The following CREBBP variants were observed in gnomAD, a reference collection of about 807,000 sequenced individuals.
CREBBP encodes the protein CREB-binding protein.
CREBBP carries 19 observed loss-of-function variants against 265.0 expected under a neutral mutation model. That is an observed-to-expected ratio of 0.07 (90% CI 0.05 to 0.11). CREBBP has a LOEUF of 0.11. Ranked by LOEUF, CREBBP falls within the 10% of genes least tolerant of loss-of-function variation. CREBBP has a pLI of 1.00. For missense variants in CREBBP, 2,525 were observed against 3,219.0 expected, an observed-to-expected ratio of 0.78 and a Z score of 5.22; for synonymous variants, 1,457 against 1,223.7, an observed-to-expected ratio of 1.19 and a Z score of -3.98.
intron 3 of CREBBP, among the ~76,000 whole-genome samples, chr16:3,805,504 T>G (rs1350762493): frequency 1.3e-5 from 2 of 152,164 alleles, no homozygotes; most frequent in African/African-American, 4.8e-5. Flanking sequence ...ACACAGGCAT[T>G]TGTGCAAGGA....
chr16:3,765,300 TG>T (rs2052824822), intron 16 of CREBBP, among the ~76,000 whole-genome samples: 1 of 152,178 alleles, frequency 6.6e-6, no homozygotes, highest in African/African-American at 2.4e-5. Context: ...TTTTATTCTG[TG>T]TGATGAAACA....
chr16:3,796,835 A>C (rs764153025), intron 3 of CREBBP, among the ~76,000 whole-genome samples: 1 of 152,212 alleles, frequency 6.6e-6, no homozygotes, highest in Non-Finnish European at 1.5e-5. Flanking sequence ...TGAGCTCTAC[A>C]TATTGTTTAC....
At chr16:3,808,158 G>A (rs563820157) in intron 3 of CREBBP, among the ~76,000 whole-genome samples, 6 of 148,656 alleles carry the variant, frequency 4.0e-5, no homozygotes, top group African/African-American at 1.2e-4. Context: ...ATGAAAGAAG[G>A]GGGGGGCAGC....
intron 16 of CREBBP, among the ~76,000 whole-genome samples, chr16:3,760,408 T>TTG (rs2151388665): frequency 7.4e-6 from 1 of 134,522 alleles, no homozygotes; most frequent in African/African-American, 2.9e-5. Flanking sequence ...TTTTTTTTTT[T>TTG]TTTTTTTTTT....
In CREBBP at chr16:3,810,600, T is replaced by C. The variant is rs368907608; in HGVS notation, c.975+3A>G. 8.1e-6 allele frequency: 13 copies of C among 1,613,404 alleles called. No individual in the cohort carries two copies. The highest frequency in any genetic ancestry group is 1.7e-5 in the Admixed American group (1 of 59,978). On this transcript the variant is annotated splice_donor_region_variant and intron_variant, in intron 3 of 30. Coordinates refer to ENST00000262367, the MANE Select transcript of CREBBP (RefSeq NM_004380.3). The stretch of plus-strand genomic sequence containing the variant: ...ATAACACTGAGGGCCAAGGGTAACT[T>C]ACCATATTTGGCACGTTGGTGACTG...
chr16:3,819,421 G>T (rs1326577825), intron 2 of CREBBP, among the ~76,000 whole-genome samples: 1 of 152,190 alleles, frequency 6.6e-6, no homozygotes, highest in African/African-American at 2.4e-5. Flanking sequence ...ACAGCTTTGG[G>T]AGCAATCATT....
intron 27 of CREBBP, 178 bp downstream of exon 27, chr16:3,736,472 A>G (rs2151328582): frequency 1.0e-6 from 1 of 955,932 alleles, no homozygotes; most frequent in Admixed American, 2.1e-5. Context: ...CGGCCAGGGG[A>G]AAGCCTCAAT....
intron 23 of CREBBP, chr16:3,740,920 C>T (rs1043201071): frequency 3.0e-5 from 11 of 364,058 alleles, no homozygotes; most frequent in Non-Finnish European, 5.3e-5. Flanking sequence ...GGCACACCCT[C>T]AGTGGGCTCC....
rs1261757032 is a variant in CREBBP, at chr16:3,767,788, TCTTTAA to T, written c.3176_3181del (p.Val1059_Lys1060del). ...GCCGTTACTGCTACTCTCTTCTTCCTCTTTAACTTCTACTTTCACTTCAGGTTTCTT... is the reference window on the plus strand; with the variant it reads ...GCCGTTACTGCTACTCTCTTCTTCCTCTTCTACTTTCACTTCAGGTTTCTT... On this transcript the variant is annotated inframe_deletion, in exon 16 of 31. Transcript: ENST00000262367. 1 of 1,614,110 alleles carries T rather than the reference TCTTTAA, an allele frequency of 6.2e-7. No homozygotes were observed. The highest frequency in any genetic ancestry group is 8.5e-7 in the Non-Finnish European group (1 of 1,180,038).
intron 21 of CREBBP, among the ~76,000 whole-genome samples, chr16:3,746,289 C>A (rs569338891): frequency 2.2e-4 from 33 of 152,200 alleles, no homozygotes; most frequent in Non-Finnish European, 3.1e-4. Context: ...TGGGTCTACC[C>A]TCATCTGGCT....
intron 2 of CREBBP, among the ~76,000 whole-genome samples, chr16:3,836,151 A>G (rs1214180473): frequency 2.0e-5 from 3 of 151,850 alleles, no homozygotes; most frequent in African/African-American, 7.2e-5. Context: ...TACAGAAATT[A>G]GCAGCTGGGC....
chr16:3,776,019 C>A (rs2053130002), intron 11 of CREBBP, among the ~76,000 whole-genome samples: 1 of 152,032 alleles, frequency 6.6e-6, no homozygotes, highest in South Asian at 2.1e-4. Flanking sequence ...TGGGTTCAAG[C>A]AATTCTCCTG....
chr16:3,867,688 T>C (rs1035267783), intron 1 of CREBBP, among the ~76,000 whole-genome samples: 2 of 148,858 alleles, frequency 1.3e-5, no homozygotes, highest in South Asian at 2.1e-4. Flanking sequence ...GAGGCTGAGG[T>C]TGAAGGACTG....
At chr16:3,824,646 C>A (rs990222435) in intron 2 of CREBBP, among the ~76,000 whole-genome samples, 1 of 151,736 alleles carries the variant, frequency 6.6e-6, no homozygotes, top group Non-Finnish European at 1.5e-5. Context: ...CCACTCCCAT[C>A]CCCACACGCC....
At chr16:3,736,252 C>A (rs2052055673) in intron 27 of CREBBP, 49 bp from the exon 28 acceptor site, 1 of 1,589,666 alleles carries the variant, frequency 6.3e-7, no homozygotes, top group Non-Finnish European at 8.6e-7. Flanking sequence ...CACGCGTGCC[C>A]CCCACCATGG....
chr16:3,870,576 C>T (rs1248617120), intron 1 of CREBBP, among the ~76,000 whole-genome samples: 2 of 152,034 alleles, frequency 1.3e-5, no homozygotes, highest in Non-Finnish European at 2.9e-5. Flanking sequence ...AAACGATTAC[C>T]CATTTTGTAA....
intron 3 of CREBBP, among the ~76,000 whole-genome samples, chr16:3,793,902 T>C (rs1327267209): frequency 6.6e-6 from 1 of 152,168 alleles, no homozygotes; most frequent in Non-Finnish European, 1.5e-5. Context: ...AAAATCCAAC[T>C]CACTCTACAA....
At chr16:3,809,127 T>C (rs565688725) in intron 3 of CREBBP, among the ~76,000 whole-genome samples, 1 of 152,076 alleles carries the variant, frequency 6.6e-6, no homozygotes, top group African/African-American at 2.4e-5. Context: ...CTAAGAACTT[T>C]AGGTTGTTTT....
intron 1 of CREBBP, among the ~76,000 whole-genome samples, chr16:3,870,123 C>G (rs1482530914): frequency 6.6e-6 from 1 of 151,810 alleles, no homozygotes; most frequent in African/African-American, 2.4e-5. Context: ...TTTTGTCCAC[C>G]ACGGGGTAAC....
Sources: gnomAD v4.1 joint callset for allele counts (sites outside exome capture counted in the v4.1 genomes callset) on GRCh38, gnomAD v4.1.1 for gene constraint, MANE v1.5 for transcripts, NCBI Gene and HGNC (gene_info 2026-07-23, HGNC 2026-07-21) for gene names.